Variants in ANKRD44 observed in about 807,000 individuals in gnomAD.
The protein encoded by ANKRD44 is ankyrin repeat domain 44, also known as serine/threonine-protein phosphatase 6 regulatory ankyrin repeat subunit B.
ANKRD44 carries 35 observed loss-of-function variants against 116.0 expected under a neutral mutation model. The observed-to-expected ratio is 0.30, with a 90% CI of 0.23 to 0.40. The LOEUF (loss-of-function observed/expected upper bound fraction) is 0.40, where lower values mean the gene tolerates loss of function less well. Ranked by LOEUF, ANKRD44 falls within the 10% of genes least tolerant of loss-of-function variation. The pLI is 1.00. For missense variants in ANKRD44, 1,014 were observed against 1,242.6 expected (o/e 0.82, Z 2.77); for synonymous variants, 435 against 461.8 (o/e 0.94, Z 0.74).
In ANKRD44 at chr2:197,143,659, T is replaced by A. The variant is rs143668843; in HGVS notation, c.190+3368A>T. Reference sequence around the variant, plus strand: ...TATTGTGAATAGTGGAGATGGAGTCTTACTCTGTCACCCAGGCTGGAGTAC... The same window carrying A: ...TATTGTGAATAGTGGAGATGGAGTCATACTCTGTCACCCAGGCTGGAGTAC... On this transcript the variant is annotated intron_variant, in intron 3 of 27. Coordinates refer to ENST00000282272, the MANE Select transcript of ANKRD44 (RefSeq NM_001195144.2). Among the ~76,000 whole-genome samples the A allele has an allele frequency of 2.9e-3, 436 of 152,178 alleles. 1 individual carries two copies. The highest frequency in any genetic ancestry group is 0.017 in the East Asian group (86 of 5,162).
intron 2 of ANKRD44, among the ~76,000 whole-genome samples, chr2:197,186,209 G>C (rs377763075): frequency 6.6e-6 from 1 of 151,934 alleles, no homozygotes; most frequent in Non-Finnish European, 1.5e-5. Flanking sequence ...TGGGTTCCAG[G>C]GGTTCATCAC....
chr2:197,088,040 T>G (rs1559051921), intron 12 of ANKRD44, among the ~76,000 whole-genome samples: 1 of 152,294 alleles, frequency 6.6e-6, no homozygotes, highest in South Asian at 2.1e-4. Flanking sequence ...GGAAACTGAT[T>G]AAGAACCAAC....
intron 1 of ANKRD44, among the ~76,000 whole-genome samples, chr2:197,227,309 C>G (rs552186567): frequency 6.6e-6 from 1 of 152,244 alleles, no homozygotes; most frequent in Non-Finnish European, 1.5e-5. Flanking sequence ...TGGTCTGAAG[C>G]TTTGCTTTCA....
At chr2:197,016,988 G>A (rs2076404929) in intron 17 of ANKRD44, among the ~76,000 whole-genome samples, 1 of 152,038 alleles carries the variant, frequency 6.6e-6, no homozygotes, top group Non-Finnish European at 1.5e-5. Context: ...AATAAAAAAG[G>A]TCAATAAATA....
rs538588649 is a variant in ANKRD44 at position 197,219,191 on chromosome 2, T to C, written c.28-32085A>G. 4.6e-5 allele frequency among the ~76,000 whole-genome samples: 7 copies of C among 150,718 alleles called. No homozygotes were observed. The South Asian group carries it at 8.5e-4, about 18-fold the overall frequency. The stretch of plus-strand genomic sequence containing the variant: ...TTCAAGCGATTCTTCTGCCTCAGCC[T>C]CCCGAGTATCTGGGACTACAGGCAT... On this transcript the variant is annotated intron_variant, in intron 1 of 27. Transcript: ENST00000282272.
intron 15 of ANKRD44, 43 bp downstream of exon 15, chr2:197,081,602 C>A (rs375664169): frequency 6.4e-7 from 1 of 1,556,244 alleles, no homozygotes; most frequent in Admixed American, 1.7e-5. Flanking sequence ...GCAGAAGAAG[C>A]GTCAGAAATG....
intron 16 of ANKRD44, among the ~76,000 whole-genome samples, chr2:197,027,536 C>T (rs1355062095): frequency 6.6e-6 from 1 of 151,930 alleles, no homozygotes; most frequent in Non-Finnish European, 1.5e-5. Flanking sequence ...GAGGAACCAG[C>T]AGGAAGACTC....
intron 1 of ANKRD44, among the ~76,000 whole-genome samples, chr2:197,282,268 TA>T (rs1479710318): frequency 2.6e-5 from 4 of 151,982 alleles, no homozygotes; most frequent in Non-Finnish European, 4.4e-5. Flanking sequence ...AATATATATA[TA>T]TAGTAACTAC....
At chr2:197,244,957 A>G (rs2082159141) in intron 1 of ANKRD44, among the ~76,000 whole-genome samples, 1 of 152,186 alleles carries the variant, frequency 6.6e-6, no homozygotes. Flanking sequence ...TAAAATATTT[A>G]GGGAAAAAAA....
intron 4 of ANKRD44, 110 bp from the exon 5 acceptor site, chr2:197,126,147 C>T: frequency 1.0e-5 from 11 of 1,064,590 alleles, no homozygotes; most frequent in South Asian, 1.4e-5. Context: ...GGCTCCCCAA[C>T]CCTACAGGCT....
intron 8 of ANKRD44, among the ~76,000 whole-genome samples, chr2:197,117,528 G>A (rs552646867): frequency 7.3e-5 from 11 of 151,676 alleles, no homozygotes; most frequent in Admixed American, 1.3e-4. Context: ...GTGAGCCACC[G>A]CGCCTGGCCA....
intron 25 of ANKRD44, among the ~76,000 whole-genome samples, chr2:196,996,354 C>T (rs1465362911): frequency 6.6e-6 from 1 of 152,116 alleles, no homozygotes. Flanking sequence ...CATGGGCTTC[C>T]CAGAGCATGA....
chr2:196,968,800 A>G (rs574144876), intron 21 of ANKRD44, among the ~76,000 whole-genome samples: 17 of 152,208 alleles, frequency 1.1e-4, no homozygotes, highest in East Asian at 3.9e-4. Context: ...TATTGCCACA[A>G]TTGCATCACT....
chr2:197,236,713 C>CAAAAAAAAAAAAAAAAAAAAAAAAAAAA (rs71012964), intron 1 of ANKRD44, among the ~76,000 whole-genome samples: 1 of 105,248 alleles, frequency 9.5e-6, no homozygotes, highest in African/African-American at 3.2e-5. Flanking sequence ...ACAAACTACT[C>CAAAAAAAAAAAAAAAAAAAAAAAAAAAA]AAAAAAAAAA....
At chr2:197,050,686 G>A (rs1255791036) in intron 16 of ANKRD44, among the ~76,000 whole-genome samples, 2 of 151,768 alleles carry the variant, frequency 1.3e-5, no homozygotes, top group African/African-American at 4.8e-5. Flanking sequence ...GCCTCCCAAA[G>A]CGCTGGCATT....
chr2:196,967,608 T>C (rs1390536434), intron 21 of ANKRD44, among the ~76,000 whole-genome samples: 2 of 152,174 alleles, frequency 1.3e-5, no homozygotes, highest in Non-Finnish European at 2.9e-5. Flanking sequence ...ATGATACCAA[T>C]GCAAACCGGT....
chr2:197,180,930 C>A (rs1428604625), intron 2 of ANKRD44, among the ~76,000 whole-genome samples: 1 of 146,630 alleles, frequency 6.8e-6, no homozygotes, highest in Non-Finnish European at 1.5e-5. Context: ...TGCCTTATTT[C>A]TTTGAAAAGT....
intron 1 of ANKRD44, among the ~76,000 whole-genome samples, chr2:197,220,438 T>C (rs142181975): frequency 4.7e-4 from 71 of 152,302 alleles, no homozygotes; most frequent in African/African-American, 1.5e-3. Context: ...TCTCCACTTA[T>C]CAAAGTATTG....
chr2:197,096,370 A>G (rs780903426), intron 10 of ANKRD44, among the ~76,000 whole-genome samples: 1 of 152,210 alleles, frequency 6.6e-6, no homozygotes, highest in Non-Finnish European at 1.5e-5. Flanking sequence ...TGAGGCAGAA[A>G]AAGAATGCAT....
Sources: gnomAD v4.1 joint callset for allele counts (sites outside exome capture counted in the v4.1 genomes callset) on GRCh38, gnomAD v4.1.1 for gene constraint, MANE v1.5 for transcripts, NCBI Gene and HGNC (gene_info 2026-07-23, HGNC 2026-07-21) for gene names.